Variants in CPQ observed in about 807,000 individuals in gnomAD.
The protein encoded by CPQ is carboxypeptidase Q.
In CPQ, 37 loss-of-function variants were observed where a neutral mutation model predicts 45.7. The ratio of observed to expected loss-of-function variants is 0.81; its 90% CI spans 0.62 to 1.07. The LOEUF (loss-of-function observed/expected upper bound fraction) is 1.07. CPQ is among the 50% of genes least tolerant of loss of function. The probability of loss-of-function intolerance (pLI) is 0.00; values close to 1 mark genes in which losing one functional copy is unlikely to be tolerated. For missense variants in CPQ, 537 were observed against 572.9 expected, an observed-to-expected ratio of 0.94 and a Z score of 0.64; for synonymous variants, 186 against 205.8, an observed-to-expected ratio of 0.90 and a Z score of 0.82.
chr8:96,935,455 A>C (rs1813032920), intron 4 of CPQ, among the ~76,000 whole-genome samples: 1 of 152,190 alleles, frequency 6.6e-6, no homozygotes. Context: ...AGTCTCACCC[A>C]AACCATGGAT....
intron 6 of CPQ, among the ~76,000 whole-genome samples, chr8:97,041,153 A>C (rs1341431203): frequency 6.6e-6 from 1 of 152,024 alleles, no homozygotes; most frequent in Non-Finnish European, 1.5e-5. Flanking sequence ...ATCCTCTTTT[A>C]TTTCATTGAG....
intron 1 of CPQ, among the ~76,000 whole-genome samples, chr8:96,762,880 G>A (rs1457775415): frequency 6.6e-6 from 1 of 152,096 alleles, no homozygotes; most frequent in Non-Finnish European, 1.5e-5. Flanking sequence ...TTTTGTTTAT[G>A]GTAAGAGGTG....
At chr8:96,825,622 A>G (rs1038005646) in intron 2 of CPQ, among the ~76,000 whole-genome samples, 1 of 152,040 alleles carries the variant, frequency 6.6e-6, no homozygotes, top group African/African-American at 2.4e-5. Flanking sequence ...GAAAATTTTC[A>G]TGTAATTCAT....
At chr8:96,866,761 G>A (rs1363067878) in intron 3 of CPQ, among the ~76,000 whole-genome samples, 1 of 152,066 alleles carries the variant, frequency 6.6e-6, no homozygotes, top group East Asian at 1.9e-4. Flanking sequence ...ATGTTCCAGT[G>A]CAATCTGAAA....
intron 3 of CPQ, among the ~76,000 whole-genome samples, chr8:96,871,871 C>T (rs148754492): frequency 1.5e-3 from 231 of 151,948 alleles, no homozygotes; most frequent in African/African-American, 5.3e-3. Context: ...TAGAGTTCAA[C>T]GTATATATAG....
chr8:96,867,863 A>G (rs1812015533), intron 3 of CPQ, among the ~76,000 whole-genome samples: 1 of 151,896 alleles, frequency 6.6e-6, no homozygotes, highest in Non-Finnish European at 1.5e-5. Context: ...TTCAGTATTC[A>G]TGTTGATCTC....
chr8:96,733,142 A>G lies in CPQ; in HGVS notation c.-34-51722A>G, dbSNP rs142608388. Among the ~76,000 whole-genome samples the G allele has an allele frequency of 4.8e-3, 729 of 152,264 alleles. 9 individuals are homozygous for G. Among genetic ancestry groups the G allele is most frequent in the African/African-American group, 0.015 (627 of 41,546 alleles). ...GGCAGAGTGGTGTATAGAGTTTTTCATGTAGACCCTCCTCAAATCTCAACA... is the reference window on the plus strand; with the variant it reads ...GGCAGAGTGGTGTATAGAGTTTTTCGTGTAGACCCTCCTCAAATCTCAACA... On this transcript the variant is annotated intron_variant, in intron 1 of 7. Coordinates refer to ENST00000220763, the MANE Select transcript of CPQ (RefSeq NM_016134.4).
At chr8:96,892,531 G>A (rs368724504) in intron 4 of CPQ, among the ~76,000 whole-genome samples, 78 of 151,998 alleles carry the variant, frequency 5.1e-4, no homozygotes, top group African/African-American at 1.8e-3. Context: ...AGGGGGGTGG[G>A]GTTAAAGAGT....
At chr8:97,076,707 G>A (rs200182670) in intron 7 of CPQ, among the ~76,000 whole-genome samples, 22 of 152,010 alleles carry the variant, frequency 1.4e-4, no homozygotes, top group East Asian at 1.2e-3. Context: ...TTTTTTTAGC[G>A]GGGGAGAGGG....
Position 96,995,776 on chromosome 8 carries a change from G to A in CPQ, c.961+29730G>A, listed in dbSNP as rs778350872. 4.5e-4 allele frequency among the ~76,000 whole-genome samples: 69 copies of A among 151,806 alleles called. 1 individual carries two copies. Among genetic ancestry groups the A allele is most frequent in the East Asian group, 3.9e-4 (2 of 5,178 alleles). Reference sequence around the variant, plus strand: ...TTATACAGATTATTTCATCACCCAGGTATTAAGCCTAGTACCCATTAGTTG... The same window carrying A: ...TTATACAGATTATTTCATCACCCAGATATTAAGCCTAGTACCCATTAGTTG... On this transcript the variant is annotated intron_variant, in intron 5 of 7. Transcript: ENST00000220763.
At chr8:96,705,897 C>T (rs776423618) in intron 1 of CPQ, among the ~76,000 whole-genome samples, 2 of 151,610 alleles carry the variant, frequency 1.3e-5, no homozygotes, top group Non-Finnish European at 2.9e-5. Context: ...TAATTTTTAC[C>T]TTTGATAATG....
chr8:97,094,825 C>G (rs920672888), intron 7 of CPQ, among the ~76,000 whole-genome samples: 3 of 152,082 alleles, frequency 2.0e-5, no homozygotes, highest in African/African-American at 7.2e-5. Flanking sequence ...TGCAGCCAAG[C>G]TTTTTGTCCT....
At chr8:96,903,040 T>C (rs1217112473) in intron 4 of CPQ, among the ~76,000 whole-genome samples, 1 of 152,154 alleles carries the variant, frequency 6.6e-6, no homozygotes, top group Non-Finnish European at 1.5e-5. Context: ...GCTTGGCATC[T>C]TTTCTTGCCT....
intron 1 of CPQ, among the ~76,000 whole-genome samples, chr8:96,759,575 C>T (rs1391549215): frequency 6.6e-6 from 1 of 152,086 alleles, no homozygotes; most frequent in Non-Finnish European, 1.5e-5. Context: ...TATGCTGTAT[C>T]TCTCACAGAG....
At chr8:97,060,565 GATA>G (rs879495712) in intron 6 of CPQ, among the ~76,000 whole-genome samples, 4 of 152,150 alleles carry the variant, frequency 2.6e-5, no homozygotes, top group Non-Finnish European at 5.9e-5. Flanking sequence ...GGGGTTTACA[GATA>G]ATATCTGAGT....
intron 5 of CPQ, among the ~76,000 whole-genome samples, chr8:96,976,703 AC>A (rs1337708299): frequency 6.6e-6 from 1 of 152,214 alleles, no homozygotes; most frequent in Non-Finnish European, 1.5e-5. Context: ...CCAAATACTT[AC>A]AGCCAACTGA....
At chr8:96,810,346 G>A (rs995182578) in intron 2 of CPQ, among the ~76,000 whole-genome samples, 1 of 152,188 alleles carries the variant, frequency 6.6e-6, no homozygotes, top group Non-Finnish European at 1.5e-5. Context: ...TGTAGAATTA[G>A]TGATTGGGAG....
At chr8:97,053,614 A>T (rs180988248) in intron 6 of CPQ, among the ~76,000 whole-genome samples, 40 of 152,332 alleles carry the variant, frequency 2.6e-4, no homozygotes, top group Admixed American at 2.5e-3. Flanking sequence ...AAGCAGTAGG[A>T]CAAGAAGTCA....
intron 1 of CPQ, among the ~76,000 whole-genome samples, chr8:96,759,254 G>A (rs748728194): frequency 6.6e-5 from 10 of 152,138 alleles, no homozygotes; most frequent in Non-Finnish European, 1.3e-4. Context: ...GGCTCAAATT[G>A]TTTTCTTGTT....
Sources: allele counts gnomAD v4.1 joint callset (sites outside exome capture counted in the v4.1 genomes callset), GRCh38; gene constraint gnomAD v4.1.1; transcripts MANE v1.5; gene names NCBI Gene and HGNC (gene_info 2026-07-23, HGNC 2026-07-21).